DAB1: variants seen among roughly 807,000 people sequenced by gnomAD.
The protein encoded by DAB1 is disabled homolog 1.
DAB1 carries 15 observed loss-of-function variants against 64.6 expected under a neutral mutation model. The ratio of observed to expected loss-of-function variants is 0.23; its 90% CI spans 0.16 to 0.36. DAB1 has a LOEUF of 0.36. Ranked by LOEUF, DAB1 falls within the 10% of genes least tolerant of loss-of-function variation. The pLI is 1.00. For missense variants in DAB1, 596 were observed against 706.7 expected, an observed-to-expected ratio of 0.84 and a Z score of 1.78; for synonymous variants, 235 against 251.9, an observed-to-expected ratio of 0.93 and a Z score of 0.64.
rs142308718 is a variant in DAB1 at position 57,954,427 on chromosome 1, G to T, written n.388-70265C>A. On this transcript the variant is annotated intron_variant and non_coding_transcript_variant, in intron 5 of 20. Transcript: ENST00000485760. ...AGAGAAGGTGGCCCACTCCTTTTGG[G>T]TGATGATGCCTAGGAAGTGGTAGGT... Among the ~76,000 whole-genome samples, 471 of 152,258 alleles carry T rather than the reference G, an allele frequency of 3.1e-3. 1 individual carries two copies. Among genetic ancestry groups the T allele is most frequent in the Middle Eastern group, 6.8e-3 (2 of 294 alleles).
intron 4 of DAB1, among the ~76,000 whole-genome samples, chr1:57,090,399 C>T (rs552076581): frequency 6.6e-6 from 1 of 152,288 alleles, no homozygotes; most frequent in African/African-American, 2.4e-5. Flanking sequence ...CAAAAGTAGG[C>T]ATCTAGCAAT....
chr1:58,121,074 C>G (rs1263327365), intron 5 of DAB1, among the ~76,000 whole-genome samples: 4 of 152,152 alleles, frequency 2.6e-5, no homozygotes, highest in Non-Finnish European at 5.9e-5. Flanking sequence ...GTTTATCTGG[C>G]TCCATTTATT....
chr1:57,317,096 T>C (rs1454914422), intron 1 of DAB1, among the ~76,000 whole-genome samples: 1 of 152,162 alleles, frequency 6.6e-6, no homozygotes. Context: ...CCAGCTGCCA[T>C]ATTTGTGAGC....
At chr1:57,766,358 T>C (rs1157841477) in intron 6 of DAB1, among the ~76,000 whole-genome samples, 1 of 151,894 alleles carries the variant, frequency 6.6e-6, no homozygotes, top group Non-Finnish European at 1.5e-5. Context: ...TCTCCCTTGA[T>C]TTCTTCTTAT....
chr1:57,653,634 AT>A (rs1006671345), intron 6 of DAB1, among the ~76,000 whole-genome samples: 11 of 151,520 alleles, frequency 7.3e-5, no homozygotes, highest in Non-Finnish European at 1.5e-4. Flanking sequence ...TTTTTTTGAG[AT>A]GGAGTCTCGC....
At chr1:57,596,934 C>G (rs2101579258) in intron 7 of DAB1, among the ~76,000 whole-genome samples, 1 of 152,296 alleles carries the variant, frequency 6.6e-6, no homozygotes, top group East Asian at 1.9e-4. Context: ...TGTTTACATT[C>G]CAGTGCCTAA....
intron 1 of DAB1, among the ~76,000 whole-genome samples, chr1:57,305,968 C>CAAAAAA (rs1048177276): frequency 3.2e-4 from 20 of 62,224 alleles, no homozygotes; most frequent in Non-Finnish European, 5.7e-4. Flanking sequence ...GACTCCGTCT[C>CAAAAAA]AAAAAAAAAA....
intron 1 of DAB1, among the ~76,000 whole-genome samples, chr1:57,869,253 A>G (rs571730904): frequency 2.6e-5 from 4 of 152,212 alleles, no homozygotes; most frequent in African/African-American, 9.6e-5. Context: ...GAGATAATGT[A>G]TTTAATGGCC....
At chr1:58,484,547 G>C (rs1038128934) in intron 3 of DAB1, among the ~76,000 whole-genome samples, 2 of 152,104 alleles carry the variant, frequency 1.3e-5, no homozygotes, top group Admixed American at 1.3e-4. Context: ...GAAAATATCA[G>C]CTCAATTTTA....
chr1:57,643,162 A>G (rs1646151391), intron 7 of DAB1, among the ~76,000 whole-genome samples: 1 of 152,168 alleles, frequency 6.6e-6, no homozygotes, highest in African/African-American at 2.4e-5. Flanking sequence ...ATACCTGCCA[A>G]TTACGGAGAT....
At chr1:58,048,831 G>T in intron 5 of DAB1, 1 of 1,039,922 alleles carries the variant, frequency 9.6e-7, no homozygotes, top group Non-Finnish European at 1.5e-6. Context: ...AATCATGGTT[G>T]TCAAAGGTTA....
intron 1 of DAB1, among the ~76,000 whole-genome samples, chr1:57,336,798 T>C (rs1262501430): frequency 6.6e-6 from 1 of 152,234 alleles, no homozygotes; most frequent in Non-Finnish European, 1.5e-5. Flanking sequence ...TTGTTATTTA[T>C]ATGTGTTGTA....
At chr1:58,519,240 T>C (rs1247167506) in intron 2 of DAB1, among the ~76,000 whole-genome samples, 1 of 152,206 alleles carries the variant, frequency 6.6e-6, no homozygotes, top group Non-Finnish European at 1.5e-5. Flanking sequence ...TTTACTTGTT[T>C]TTTATTTTTG....
intron 3 of DAB1, among the ~76,000 whole-genome samples, chr1:58,471,523 A>G (rs1235310584): frequency 1.3e-5 from 2 of 152,162 alleles, no homozygotes; most frequent in East Asian, 3.9e-4. Flanking sequence ...AAAGAAGAGG[A>G]AAAGTGGCTA....
At chr1:58,264,544 T>C (rs1335943330) in intron 4 of DAB1, among the ~76,000 whole-genome samples, 1 of 152,182 alleles carries the variant, frequency 6.6e-6, no homozygotes, top group Non-Finnish European at 1.5e-5. Flanking sequence ...TCCCAATTGG[T>C]TGCTGGCTTT....
chr1:58,123,254 C>T (rs928229816), intron 5 of DAB1, among the ~76,000 whole-genome samples: 4 of 152,100 alleles, frequency 2.6e-5, no homozygotes, highest in Non-Finnish European at 5.9e-5. Flanking sequence ...AGCTGTGTTT[C>T]CCAAAGATTA....
chr1:57,011,628 G>T (rs1241569328), intron 12 of DAB1, among the ~76,000 whole-genome samples: 2 of 152,178 alleles, frequency 1.3e-5, no homozygotes, highest in African/African-American at 4.8e-5. Flanking sequence ...ACCTGCTACA[G>T]GTTATTCTGA....
chr1:57,845,494 T>C (rs987420182), intron 1 of DAB1, among the ~76,000 whole-genome samples: 1 of 152,170 alleles, frequency 6.6e-6, no homozygotes, highest in Non-Finnish European at 1.5e-5. Context: ...CTCCATAAAA[T>C]AGAGATTTGC....
At chr1:57,434,259 T>C (rs930133760) in intron 7 of DAB1, among the ~76,000 whole-genome samples, 2 of 152,174 alleles carry the variant, frequency 1.3e-5, no homozygotes, top group African/African-American at 4.8e-5. Context: ...GCACAATGGA[T>C]ACAAAAATTG....
Sources: gnomAD v4.1 joint callset for allele counts (sites outside exome capture counted in the v4.1 genomes callset) on GRCh38, gnomAD v4.1.1 for gene constraint, MANE v1.5 for transcripts, NCBI Gene and HGNC (gene_info 2026-07-23, HGNC 2026-07-21) for gene names.